The following SLC25A21 variants were observed in gnomAD, a reference collection of about 807,000 sequenced individuals.
SLC25A21 encodes solute carrier family 25 member 21, also known as mitochondrial 2-oxodicarboxylate carrier.
SLC25A21 carries 47 observed loss-of-function variants against 43.8 expected under a neutral mutation model. The ratio of observed to expected loss-of-function variants is 1.07; its 90% CI spans 0.85 to 1.37. The LOEUF (loss-of-function observed/expected upper bound fraction) is 1.37. Ranked by LOEUF, SLC25A21 falls within the 40% of genes most tolerant of loss-of-function variation. The probability of loss-of-function intolerance (pLI) is 0.00; values close to 1 mark genes in which losing one functional copy is unlikely to be tolerated. For synonymous variants in SLC25A21, 131 were observed against 121.3 expected (o/e 1.08, Z -0.52); for missense variants, 352 against 350.2 (o/e 1.00, Z -0.04).
At chr14:36,769,500 C>G (rs1886540403) in intron 3 of SLC25A21, among the ~76,000 whole-genome samples, 1 of 152,126 alleles carries the variant, frequency 6.6e-6, no homozygotes, top group Non-Finnish European at 1.5e-5. Context: ...CTAGTGATTA[C>G]AAAACAAAGC....
intron 2 of SLC25A21, among the ~76,000 whole-genome samples, chr14:36,862,155 G>T (rs1321654186): frequency 6.6e-6 from 1 of 152,206 alleles, no homozygotes; most frequent in Non-Finnish European, 1.5e-5. Context: ...CTTTTACATG[G>T]TTGGTGGGGT....
intron 2 of SLC25A21, among the ~76,000 whole-genome samples, chr14:36,830,049 T>C (rs946686419): frequency 6.6e-6 from 1 of 152,114 alleles, no homozygotes; most frequent in Non-Finnish European, 1.5e-5. Flanking sequence ...ATCCAAGTTA[T>C]TACATTTAAA....
chr14:36,741,266 T>G (rs2139240636), intron 3 of SLC25A21, among the ~76,000 whole-genome samples: 1 of 152,286 alleles, frequency 6.6e-6, no homozygotes, highest in African/African-American at 2.4e-5. Flanking sequence ...GTTTTTGGTG[T>G]TAGGAGCAAG....
chr14:36,773,785 AC>A (rs1421798424), intron 3 of SLC25A21, among the ~76,000 whole-genome samples: 2 of 152,214 alleles, frequency 1.3e-5, no homozygotes, highest in Non-Finnish European at 2.9e-5. Context: ...TAAATAACTT[AC>A]CCAGCCAGGT....
At chr14:36,792,975 C>G (rs1384077415) in intron 3 of SLC25A21, among the ~76,000 whole-genome samples, 15 of 152,174 alleles carry the variant, frequency 9.9e-5, no homozygotes, top group Admixed American at 9.8e-4. Context: ...AAACATCCCT[C>G]TCTGGTTCTT....
chr14:37,107,118 T>A (rs958837265), intron 1 of SLC25A21, among the ~76,000 whole-genome samples: 7 of 152,088 alleles, frequency 4.6e-5, no homozygotes, highest in South Asian at 4.2e-4. Context: ...AATTTCTTTT[T>A]AAAAAAAATT....
At chr14:37,080,956 T>A (rs184899625) in intron 1 of SLC25A21, among the ~76,000 whole-genome samples, 84 of 152,306 alleles carry the variant, frequency 5.5e-4, no homozygotes, top group African/African-American at 2.0e-3. Context: ...ATAAATAAAT[T>A]GTTAAATGGT....
intron 1 of SLC25A21, among the ~76,000 whole-genome samples, chr14:37,170,650 C>T (rs1171490672): frequency 6.6e-6 from 1 of 151,940 alleles, no homozygotes; most frequent in African/African-American, 2.4e-5. Context: ...ATTATAATAA[C>T]GGGTGGTGGC....
intron 2 of SLC25A21, among the ~76,000 whole-genome samples, chr14:36,829,287 C>G (rs1284584592): frequency 6.6e-6 from 1 of 152,104 alleles, no homozygotes; most frequent in Non-Finnish European, 1.5e-5. Flanking sequence ...CTACTTCCAG[C>G]TGAATTTGGT....
At chr14:36,787,131 G>T (rs1210355345) in intron 3 of SLC25A21, among the ~76,000 whole-genome samples, 2 of 152,190 alleles carry the variant, frequency 1.3e-5, no homozygotes, top group Non-Finnish European at 2.9e-5. Flanking sequence ...ATAATGCCAG[G>T]CACCTGCTCT....
intron 1 of SLC25A21, among the ~76,000 whole-genome samples, chr14:36,945,053 G>A (rs1048038064): frequency 4.6e-5 from 7 of 151,866 alleles, no homozygotes; most frequent in South Asian, 2.1e-4. Flanking sequence ...AGCCAAAACC[G>A]AAACAAACCA....
chr14:36,892,369 A>G (rs1371271157), intron 1 of SLC25A21, among the ~76,000 whole-genome samples: 3 of 152,162 alleles, frequency 2.0e-5, no homozygotes, highest in Non-Finnish European at 4.4e-5. Flanking sequence ...AAAATGTGGA[A>G]TCAACCTAAG....
intron 1 of SLC25A21, among the ~76,000 whole-genome samples, chr14:37,033,613 G>C (rs959107989): frequency 6.6e-5 from 10 of 152,084 alleles, no homozygotes; most frequent in Admixed American, 5.2e-4. Flanking sequence ...GATTACATTT[G>C]TTATTTATCT....
In SLC25A21 at chr14:36,975,049, C is replaced by T. The variant is rs572105293; in HGVS notation, c.71-100045G>A. ...CACACATTATCTCATTTAATCCCCACAACAATCACATGAGGAAAGTATTAT... is the reference window on the plus strand; with the variant it reads ...CACACATTATCTCATTTAATCCCCATAACAATCACATGAGGAAAGTATTAT... On this transcript the variant is annotated intron_variant, in intron 1 of 9. Transcript: ENST00000331299. Among the ~76,000 whole-genome samples, 14 of 152,270 alleles carry T rather than the reference C, an allele frequency of 9.2e-5. No homozygotes were observed. In the South Asian group the frequency reaches 2.7e-3, roughly 29 times the overall value.
chr14:37,116,822 T>G (rs1016622525), intron 1 of SLC25A21, among the ~76,000 whole-genome samples: 1 of 152,152 alleles, frequency 6.6e-6, no homozygotes, highest in Non-Finnish European at 1.5e-5. Flanking sequence ...ACTACACATC[T>G]TTTTGTATGT....
At chr14:36,867,593 T>G (rs559060221) in intron 2 of SLC25A21, among the ~76,000 whole-genome samples, 1 of 152,232 alleles carries the variant, frequency 6.6e-6, no homozygotes, top group East Asian at 1.9e-4. Flanking sequence ...AACACCTTGC[T>G]GAGGAAGGAT....
chr14:37,166,595 G>C (rs1214075868), intron 1 of SLC25A21, among the ~76,000 whole-genome samples: 1 of 152,188 alleles, frequency 6.6e-6, no homozygotes, highest in Non-Finnish European at 1.5e-5. Flanking sequence ...CTTAGAACTG[G>C]ATCCGGCATT....
chr14:37,016,755 G>A (rs1305231667), intron 1 of SLC25A21, among the ~76,000 whole-genome samples: 1 of 152,002 alleles, frequency 6.6e-6, no homozygotes, highest in Admixed American at 6.6e-5. Context: ...GCTTACTGTA[G>A]CCACCTTCAT....
At chr14:36,948,342 G>A (rs752606683) in intron 1 of SLC25A21, among the ~76,000 whole-genome samples, 5 of 152,134 alleles carry the variant, frequency 3.3e-5, no homozygotes, top group Non-Finnish European at 2.9e-5. Flanking sequence ...TAATGGTAGC[G>A]CATACAAGTG....
Sources: allele counts gnomAD v4.1 joint callset (sites outside exome capture counted in the v4.1 genomes callset), GRCh38; gene constraint gnomAD v4.1.1; transcripts MANE v1.5; gene names NCBI Gene and HGNC (gene_info 2026-07-23, HGNC 2026-07-21).